GPAT3: variants seen among roughly 807,000 people sequenced by gnomAD.
The protein encoded by GPAT3 is 1-AGP acyltransferase 9.
A neutral mutation model predicts 58.8 loss-of-function variants in GPAT3; 53 were observed. That is an observed-to-expected ratio of 0.90 (90% CI 0.72 to 1.13). The LOEUF (loss-of-function observed/expected upper bound fraction) is 1.13, where lower values mean the gene tolerates loss of function less well. Ranked by LOEUF, GPAT3 falls within the 50% of genes most tolerant of loss-of-function variation. The probability of loss-of-function intolerance (pLI) is 0.00; values close to 1 mark genes in which losing one functional copy is unlikely to be tolerated. For missense variants in GPAT3, 511 were observed against 527.6 expected (o/e 0.97, Z 0.31); for synonymous variants, 197 against 187.4 (o/e 1.05, Z -0.42).
intron 10 of GPAT3, 69 bp downstream of exon 10, chr4:83,598,248 T>C: frequency 6.4e-7 from 1 of 1,560,368 alleles, no homozygotes; most frequent in Non-Finnish European, 8.6e-7. Flanking sequence ...AATCTGGGTG[T>C]CTCCCTTCTC....
chr4:83,587,400 A>ATTCTC, intron 4 of GPAT3, 71 bp downstream of exon 4: 2 of 1,282,498 alleles, frequency 1.6e-6, no homozygotes, highest in Non-Finnish European at 2.2e-6. Flanking sequence ...CAAAGAGAAT[A>ATTCTC]TTTGTTTGAT....
At chr4:83,551,813 A>AAAAATCTATCT (rs768726930) in intron 2 of GPAT3, among the ~76,000 whole-genome samples, 1 of 102,420 alleles carries the variant, frequency 9.8e-6, no homozygotes, top group African/African-American at 4.7e-5. Context: ...AAAAAAAAAA[A>AAAAATCTATCT]ATCTATCTAT....
chr4:83,579,209 CCCTT>C (rs557893938), intron 2 of GPAT3, among the ~76,000 whole-genome samples: 139 of 131,258 alleles, frequency 1.1e-3, no homozygotes, highest in African/African-American at 3.0e-3. Context: ...TCTCTCTCTC[CCCTT>C]CCTTCCTTCC....
chr4:83,545,754 C>G (rs1381983369), intron 2 of GPAT3, among the ~76,000 whole-genome samples: 1 of 151,910 alleles, frequency 6.6e-6, no homozygotes, highest in Non-Finnish European at 1.5e-5. Context: ...TGAAATATAG[C>G]AGCTCTATCA....
rs768726930 is a variant in GPAT3, at chr4:83,551,813, A to AAAATCTATCT, written c.208+7212_208+7213insAATCTATCTA. Among the ~76,000 whole-genome samples the AAAATCTATCT allele has an allele frequency of 3.8e-3, 390 of 102,388 alleles. 9 individuals carry two copies. The highest frequency in any genetic ancestry group is 0.011 in the Middle Eastern group (2 of 182). The allele number at this position is 102,388 out of a possible 152,430, so 67.2% of individuals were successfully genotyped here. On this transcript the variant is annotated intron_variant, in intron 2 of 11. Transcript: ENST00000264409. ...TCTCGGAAAAAAAAAAAAAAAAAAA[A>AAAATCTATCT]ATCTATCTATCTATCTATCTATCTA...
chr4:83,602,755 G>A (rs1049816897), intron 11 of GPAT3, among the ~76,000 whole-genome samples: 25 of 152,204 alleles, frequency 1.6e-4, no homozygotes, highest in Non-Finnish European at 2.6e-4. Flanking sequence ...TGTGAAAGGA[G>A]AAAGGCCTTT....
At chr4:83,553,514 A>T (rs1434517695) in intron 2 of GPAT3, among the ~76,000 whole-genome samples, 2 of 152,186 alleles carry the variant, frequency 1.3e-5, no homozygotes, top group Non-Finnish European at 1.5e-5. Context: ...ATTTAGCTGC[A>T]TTAGTCCAAA....
intron 6 of GPAT3, among the ~76,000 whole-genome samples, chr4:83,592,481 A>G (rs1726640249): frequency 6.6e-6 from 1 of 152,136 alleles, no homozygotes; most frequent in Non-Finnish European, 1.5e-5. Context: ...AAAGAAATCT[A>G]CTGTTTAATT....
chr4:83,562,226 ATATATATATAATATATATATAT>A (rs1560611219), intron 2 of GPAT3, among the ~76,000 whole-genome samples: 30 of 62,518 alleles, frequency 4.8e-4, no homozygotes, highest in South Asian at 4.1e-3. Flanking sequence ...TATATATATA[ATATATATATAATATATATATAT>A]AAAATATAGT....
chr4:83,571,861 CT>C (rs1174399976), intron 2 of GPAT3, among the ~76,000 whole-genome samples: 1 of 151,830 alleles, frequency 6.6e-6, no homozygotes. Flanking sequence ...CAATCTCTGC[CT>C]CCCGGGTTCA....
chr4:83,543,298 T>A (rs1047485157), intron 1 of GPAT3, among the ~76,000 whole-genome samples: 2 of 152,190 alleles, frequency 1.3e-5, no homozygotes, highest in African/African-American at 4.8e-5. Flanking sequence ...AGGGTGCTTA[T>A]GTTCAATAAT....
rs573963078 is a variant in GPAT3 at position 83,548,915 on chromosome 4, C to T, written c.208+4313C>T. ...AGAATTCAGGTTGCCTAACATGGCC[C>T]TCTAATTTTACTTTGGGAATTTTTT... On this transcript the variant is annotated intron_variant, in intron 2 of 11. Transcript: ENST00000264409. Among the ~76,000 whole-genome samples the T allele has an allele frequency of 4.6e-5, 7 of 152,226 alleles. No homozygotes were observed. In the South Asian group the frequency reaches 1.0e-3, roughly 23 times the overall value.
intron 5 of GPAT3, among the ~76,000 whole-genome samples, chr4:83,588,925 A>T (rs915864564): frequency 4.6e-5 from 7 of 152,184 alleles, no homozygotes; most frequent in Admixed American, 3.9e-4. Flanking sequence ...TATTATCTTA[A>T]TTTTTTTTAG....
intron 2 of GPAT3, among the ~76,000 whole-genome samples, chr4:83,568,316 A>G (rs76851100): frequency 0.015 from 2,227 of 152,230 alleles, 35 homozygotes; most frequent in African/African-American, 0.049. Context: ...AGGAAAACCA[A>G]AGGAGATGCA....
chr4:83,543,646 T>C (rs1724392274), intron 1 of GPAT3, among the ~76,000 whole-genome samples: 1 of 151,480 alleles, frequency 6.6e-6, no homozygotes, highest in Non-Finnish European at 1.5e-5. Context: ...TTCTTTTTTT[T>C]TGTTTTTTTG....
At chr4:83,548,088 T>A (rs1724613602) in intron 2 of GPAT3, among the ~76,000 whole-genome samples, 1 of 152,206 alleles carries the variant, frequency 6.6e-6, no homozygotes, top group Non-Finnish European at 1.5e-5. Context: ...TAAACTTCAG[T>A]GGAGGTTATA....
chr4:83,590,341 G>T, intron 6 of GPAT3, 49 bp downstream of exon 6: 1 of 1,566,704 alleles, frequency 6.4e-7, no homozygotes, highest in South Asian at 1.1e-5. Flanking sequence ...TTTATGGATT[G>T]ATCAAACTTT....
chr4:83,597,546 T>C, intron 9 of GPAT3, 31 bp downstream of exon 9: 1 of 1,382,206 alleles, frequency 7.2e-7, no homozygotes, highest in African/African-American at 1.5e-5. Flanking sequence ...AGAATAATAA[T>C]TATTATAAAG....
upstream of GPAT3, chr4:83,536,057 T>C (rs1724066589): frequency 2.0e-5 from 20 of 985,102 alleles, no homozygotes; most frequent in Non-Finnish European, 2.4e-5. Context: ...ACGGAGGAGG[T>C]GGGGCGAGGG....
Sources: gnomAD v4.1 joint callset for allele counts (sites outside exome capture counted in the v4.1 genomes callset) on GRCh38, gnomAD v4.1.1 for gene constraint, MANE v1.5 for transcripts, NCBI Gene and HGNC (gene_info 2026-07-23, HGNC 2026-07-21) for gene names.